Variants in PHOX2B observed in about 807,000 individuals in gnomAD.
PHOX2B encodes the protein paired mesoderm homeobox protein 2B.
Under a neutral mutation model 15.5 loss-of-function variants are expected in PHOX2B, and 1 was observed. The ratio of observed to expected loss-of-function variants is 0.06; its 90% CI spans 0.02 to 0.31. The LOEUF (loss-of-function observed/expected upper bound fraction) is 0.31. Among genes scored for constraint, PHOX2B ranks in the 10% least tolerant of loss-of-function variants. PHOX2B has a pLI of 1.00. For synonymous variants in PHOX2B, 206 were observed against 190.5 expected (o/e 1.08, Z -0.67); for missense variants, 314 against 436.4 (o/e 0.72, Z 2.50).
chr4:41,748,261 A>T, intron 1 of PHOX2B, 109 bp downstream of exon 1: 1 of 1,276,942 alleles, frequency 7.8e-7, no homozygotes, highest in East Asian at 2.4e-5. Context: ...GTGTAAGCAA[A>T]TTTCGTTTGG....
chr4:41,747,701 G>T (rs1733957598), intron 1 of PHOX2B, 165 bp from the exon 2 acceptor site: 1 of 714,760 alleles, frequency 1.4e-6, no homozygotes, highest in Admixed American at 2.0e-5. Flanking sequence ...GAGGAAATTT[G>T]TTATCTGCGG....
chr4:41,747,933 C>G (rs1486619672), intron 1 of PHOX2B, among the ~76,000 whole-genome samples: 1 of 151,316 alleles, frequency 6.6e-6, no homozygotes, highest in South Asian at 2.1e-4. Flanking sequence ...GAAAGTTGAC[C>G]CGGCTCAAAA....
rs1399703883 is a variant in PHOX2B at position 41,747,259 on chromosome 4, TC to T, written c.429+89del. On this transcript the variant is annotated intron_variant, in intron 2 of 2. Transcript: ENST00000226382. ...GCCCTAGGTCCTTCTCACTCGAGGC[TC>T]CAGGACTTCGAATTTCACCAGCCGC... The T allele has an allele frequency of 2.0e-5, 21 of 1,075,952 alleles. No individual in the cohort carries two copies. In the African/African-American group the frequency reaches 2.6e-4, roughly 13 times the overall value. The allele number at this position is 1,075,952 out of a possible 1,614,324, so 66.7% of individuals were successfully genotyped here.
In PHOX2B at chr4:41,745,523, A is replaced by G; in HGVS notation, c.*284T>C. ...CAGGCCGCGCTGCTCACAACCCCCGATCAGCAGGCGGAGCCCTGGCCCCGC... is the reference window on the plus strand; with the variant it reads ...CAGGCCGCGCTGCTCACAACCCCCGGTCAGCAGGCGGAGCCCTGGCCCCGC... On this transcript the variant is annotated 3_prime_UTR_variant, in exon 3 of 3. Coordinates refer to ENST00000226382, the MANE Select transcript of PHOX2B (RefSeq NM_003924.4). The surrounding 1 kb of genome is among the most constrained non-coding windows in gnomAD (Gnocchi z 4.0). 2.5e-6 allele frequency: 1 copy of G among 403,964 alleles called. No individual in the cohort carries two copies. The highest frequency in any genetic ancestry group is 2.9e-5 in the South Asian group (1 of 34,062). The allele number at this position is 403,964 out of a possible 1,614,324, so 25.0% of individuals were successfully genotyped here.
chr4:41,747,947 G>A (rs1048952947), intron 1 of PHOX2B, among the ~76,000 whole-genome samples: 1 of 148,778 alleles, frequency 6.7e-6, no homozygotes, highest in African/African-American at 2.5e-5. Flanking sequence ...CTCAAAAGTT[G>A]GGGGAAAGAG....
chr4:41,745,816 A>G lies in PHOX2B; in HGVS notation c.936T>C (p.Ser312=). 6.2e-7 allele frequency: 1 copy of G among 1,604,010 alleles called. No individual in the cohort carries two copies. Among genetic ancestry groups the G allele is most frequent in the Non-Finnish European group, 8.5e-7 (1 of 1,176,114 alleles). ...GCCGCAGGATTCCAGATCAGAACAT[A>G]CTGCTCTTCACTAAGGCGGCTTTGG... ...NGAKAALVKS[S]MF The change falls in exon 3 of 3, where the codon AGT becomes AGC. Residue 312 remains serine, a synonymous_variant. Coordinates refer to ENST00000226382, the MANE Select transcript of PHOX2B (RefSeq NM_003924.4). This position sits in a 1 kb window ranked among gnomAD's most constrained non-coding sequence, Gnocchi z 4.0.
rs1577559273 is a variant in PHOX2B, at chr4:41,746,175, C to G, written c.577G>C (p.Asp193His). 5 of 1,613,498 alleles carry G rather than the reference C, an allele frequency of 3.1e-6. No homozygotes were observed. Among genetic ancestry groups the G allele is most frequent in the Non-Finnish European group, 4.2e-6 (5 of 1,179,884 alleles). Residue 193 changes from aspartate (D) to histidine (H), a missense_variant, in exon 3 of 3, where the codon GAC (aspartate) becomes CAC (histidine). Physicochemically the swap from Asp to His is moderately conservative, Grantham distance 81. This residue lies in a region of PHOX2B where 4 missense variants were observed against 18.1 expected (regional missense o/e 0.22). Coordinates refer to ENST00000226382, the MANE Select transcript of PHOX2B (RefSeq NM_003924.4). ...ESKEAKSTDPDSTGGPGPNPN... is the reference protein window; with the variant it reads ...ESKEAKSTDPHSTGGPGPNPN... ...TTGGGACCTGGGCCCCCAGTGCTGT[C>G]CGGGTCAGTGCTCTTGGCCTCTTTG...
Position 41,745,607 on chromosome 4 carries a change from A to T in PHOX2B, c.*200T>A. Reference sequence around the variant, plus strand: ...GTTTGTTTGTTTTGTTTGGGGGTTGAGGAAGGGGGTAGGAGTGGGGTTGAA... The same window carrying T: ...GTTTGTTTGTTTTGTTTGGGGGTTGTGGAAGGGGGTAGGAGTGGGGTTGAA... On this transcript the variant is annotated 3_prime_UTR_variant, in exon 3 of 3. Coordinates refer to ENST00000226382, the MANE Select transcript of PHOX2B (RefSeq NM_003924.4). The surrounding 1 kb of genome is among the most constrained non-coding windows in gnomAD (Gnocchi z 4.0). 1.7e-6 allele frequency: 1 copy of T among 591,966 alleles called. No individual in the cohort carries two copies. The allele number at this position is 591,966 out of a possible 1,614,324, so 36.7% of individuals were successfully genotyped here.
chr4:41,745,754 G>C lies in PHOX2B; in HGVS notation c.*53C>G, dbSNP rs987470852. 6 of 1,568,962 alleles carry C rather than the reference G, an allele frequency of 3.8e-6. No homozygotes were observed. The African/African-American group carries it at 5.4e-5, about 14-fold the overall frequency. ...TACCCGCTCGCCCACTCGCCCGCCCGGGCCCTGGCTCGCCCGCTGTCGCCG... is the reference window on the plus strand; with the variant it reads ...TACCCGCTCGCCCACTCGCCCGCCCCGGCCCTGGCTCGCCCGCTGTCGCCG... On this transcript the variant is annotated 3_prime_UTR_variant, in exon 3 of 3. Coordinates refer to ENST00000226382, the MANE Select transcript of PHOX2B (RefSeq NM_003924.4). This position sits in a 1 kb window ranked among gnomAD's most constrained non-coding sequence, Gnocchi z 4.0.
Position 41,746,277 on chromosome 4 carries a change from C to A in PHOX2B, c.475G>T (p.Ala159Ser), listed in dbSNP as rs1162776926. Residue 159 changes from alanine (A) to serine (S), a missense_variant, in exon 3 of 3, where the codon GCA (alanine) becomes TCA (serine). Transcript: ENST00000226382. Reference sequence around the variant, plus strand: ...GCCGCGGCCGCTGCGGCTGCCGCTGCGCGCTCCTGCTTGCGAAACTTGGCG... The same window carrying A: ...GCCGCGGCCGCTGCGGCTGCCGCTGAGCGCTCCTGCTTGCGAAACTTGGCG... ...RRAKFRKQER[A>S]AAAAAAAAKN... 2 of 1,613,880 alleles carry A rather than the reference C, an allele frequency of 1.2e-6. No homozygotes were observed. Among genetic ancestry groups the A allele is most frequent in the Non-Finnish European group, 1.7e-6 (2 of 1,179,914 alleles).
Position 41,745,899 on chromosome 4 carries a change from C to G in PHOX2B, c.853G>C (p.Asp285His), listed in dbSNP as rs372671435. 6.2e-7 allele frequency: 1 copy of G among 1,607,688 alleles called. No individual in the cohort carries two copies. Among genetic ancestry groups the G allele is most frequent in the African/African-American group, 1.3e-5 (1 of 74,244 alleles). Residue 285 changes from aspartate (D) to histidine (H), a missense_variant, in exon 3 of 3, where the codon GAT (aspartate) becomes CAT (histidine). Physicochemically the swap from Asp to His is moderately conservative, Grantham distance 81. This residue lies in a region of PHOX2B where 157 missense variants were observed against 169.0 expected (regional missense o/e 0.93). Transcript: ENST00000226382. The surrounding 1 kb of genome is among the most constrained non-coding windows in gnomAD (Gnocchi z 4.0). ...CTGGCGAAGGGACCCCCAAGCGAAT[C>G]CGGGATGGAGGTGATGGGGCCGGGG... ...PGPGPITSIP[D>H]SLGGPFASVL...
intron 2 of PHOX2B, among the ~76,000 whole-genome samples, chr4:41,746,552 G>A (rs1733907285): frequency 1.3e-5 from 2 of 152,132 alleles, no homozygotes; most frequent in Admixed American, 6.5e-5. Flanking sequence ...GGACATGAAG[G>A]CTTGCGGCAG....
In PHOX2B at chr4:41,744,204, A is replaced by T. The variant is rs1425614993; in HGVS notation, c.*1603T>A. 4.8e-6 allele frequency: 1 copy of T among 210,012 alleles called. No individual in the cohort carries two copies. Among genetic ancestry groups the T allele is most frequent in the Non-Finnish European group, 9.7e-6 (1 of 103,070 alleles). 13.0% of individuals were successfully genotyped at this position (210,012 alleles called of 1,614,324 possible). The stretch of plus-strand genomic sequence containing the variant: ...GCATTCATTATAACACATATAAATA[A>T]ATTCAAAAATCTGAAACATAACTTA... On this transcript the variant is annotated 3_prime_UTR_variant, in exon 3 of 3. Transcript: ENST00000226382.
In PHOX2B at chr4:41,744,975, G is replaced by C. The variant is rs371402086; in HGVS notation, c.*832C>G. 4.3e-6 allele frequency: 1 copy of C among 233,380 alleles called. No homozygotes were observed. 14.5% of individuals were successfully genotyped at this position (233,380 alleles called of 1,614,324 possible). A position where few individuals can be genotyped will look rare whatever the true frequency, so the allele number is the denominator to read the frequency against. ...GGGTTGGGAGTTGCAACTGTGTGGGGTTCCGATGCGCTAATGGCGGGATGG... is the reference window on the plus strand; with the variant it reads ...GGGTTGGGAGTTGCAACTGTGTGGGCTTCCGATGCGCTAATGGCGGGATGG... On this transcript the variant is annotated 3_prime_UTR_variant, in exon 3 of 3. Transcript: ENST00000226382.
At chr4:41,747,892 C>T (rs947812977) in intron 1 of PHOX2B, among the ~76,000 whole-genome samples, 7 of 152,122 alleles carry the variant, frequency 4.6e-5, no homozygotes, top group Admixed American at 1.3e-4. Context: ...AGTTACCAAA[C>T]AGTCCCACTT....
rs749906655 is a variant in PHOX2B, at chr4:41,747,336, C to T, written c.429+13G>A. ...AGTGCGGCGGAGCGGGGTCGGTTTC[C>T]AGGCGCGCGTACCTGGACTCGCGCC... On this transcript the variant is annotated intron_variant, in intron 2 of 2. Transcript: ENST00000226382. 43 of 1,602,068 alleles carry T rather than the reference C, an allele frequency of 2.7e-5. No individual in the cohort carries two copies. Among genetic ancestry groups the T allele is most frequent in the Non-Finnish European group, 3.5e-5 (41 of 1,178,568 alleles).
At position 41,748,592 on chromosome 4, in the gene PHOX2B, A is replaced by G; in HGVS notation, c.19T>C (p.Ser7Pro). 2 of 1,613,246 alleles carry G rather than the reference A, an allele frequency of 1.2e-6. No homozygotes were observed. Among genetic ancestry groups the G allele is most frequent in the Non-Finnish European group, 1.7e-6 (2 of 1,179,170 alleles). The change falls in exon 1 of 3, where the codon TCT becomes CCT. Residue 7 changes from serine (S) to proline (P), a missense_variant. This residue lies in a region of PHOX2B where 102 missense variants were observed against 155.1 expected (regional missense o/e 0.66). Transcript: ENST00000226382. The stretch of plus-strand genomic sequence containing the variant: ...TCGTAGGCAGAGGAATTGAGGTAAG[A>G]ATATTCCATTTTATACATTGAAAAG... MYKMEY[S>P]YLNSSAYESC...
rs1235634555 is a variant in PHOX2B at position 41,748,407 on chromosome 4, G to T, written c.204C>A (p.Gly68=). The T allele has an allele frequency of 1.9e-6, 3 of 1,614,092 alleles. No homozygotes were observed. Among genetic ancestry groups the T allele is most frequent in the South Asian group, 1.1e-5 (1 of 91,082 alleles). The part of the protein sequence containing the change: ...PSLTPGSCSL[G]TLRDHQSSPY... The stretch of plus-strand genomic sequence containing the variant: ...GACTGCTCTGGTGGTCCCTGAGGGT[G>T]CCCAGGCTGCAGGATCCCGGCGTGA... The change falls in exon 1 of 3, where the codon GGC becomes GGA. Residue 68 remains glycine, a synonymous_variant. Transcript: ENST00000226382.
chr4:41,745,946 G>A lies in PHOX2B; in HGVS notation c.806C>T (p.Pro269Leu), dbSNP rs1350901284. 5 of 1,523,274 alleles carry A rather than the reference G, an allele frequency of 3.3e-6. No homozygotes were observed. Among genetic ancestry groups the A allele is most frequent in the Non-Finnish European group, 4.4e-6 (5 of 1,135,202 alleles). The allele number at this position is 1,523,274 out of a possible 1,614,324, so 94.4% of individuals were successfully genotyped here. The change falls in exon 3 of 3, where the codon CCT (proline) becomes CTT (leucine). Residue 269 changes from proline (P) to leucine (L), a missense_variant. Pro to Leu is a moderately conservative substitution (Grantham distance 98). Coordinates refer to ENST00000226382, the MANE Select transcript of PHOX2B (RefSeq NM_003924.4). This position sits in a 1 kb window ranked among gnomAD's most constrained non-coding sequence, Gnocchi z 4.0. Reference protein sequence around the residue: ...AAGGLAAAGGPGQGWAPGPGP... With the variant: ...AAGGLAAAGGLGQGWAPGPGP... Reference sequence around the variant, plus strand: ...GGGGCCGGGAGCCCAGCCTTGTCCAGGGCCCCCAGCCGCAGCCAGGCCTCC... The same window carrying A: ...GGGGCCGGGAGCCCAGCCTTGTCCAAGGCCCCCAGCCGCAGCCAGGCCTCC...
Sources: allele counts gnomAD v4.1 joint callset (sites outside exome capture counted in the v4.1 genomes callset), GRCh38; gene constraint gnomAD v4.1.1; regional missense constraint gnomAD v4.1.1; non-coding constraint Gnocchi (gnomAD v3.1); transcripts MANE v1.5; gene names NCBI Gene and HGNC (gene_info 2026-07-23, HGNC 2026-07-21).